Variants in HEATR5B observed in about 807,000 individuals in gnomAD.
HEATR5B encodes the protein HEAT repeat containing 5B, also known as HEAT repeat-containing protein 5B.
In HEATR5B, 156 loss-of-function variants were observed where a neutral mutation model predicts 224.1. The ratio of observed to expected loss-of-function variants is 0.70; its 90% CI spans 0.61 to 0.80. HEATR5B has a LOEUF of 0.80. HEATR5B is among the 30% of genes least tolerant of loss of function. The pLI is 0.00. For missense variants in HEATR5B, 2,323 were observed against 2,535.5 expected (o/e 0.92, Z 1.80); for synonymous variants, 1,027 against 893.0 (o/e 1.15, Z -2.68).
intron 35 of HEATR5B, among the ~76,000 whole-genome samples, chr2:36,985,618 T>A (rs1254111109): frequency 7.8e-6 from 1 of 128,850 alleles, no homozygotes; most frequent in Non-Finnish European, 1.6e-5. Context: ...CCACCACTCC[T>A]GGCTTTTTTT....
chr2:37,075,456 G>A lies in HEATR5B; in HGVS notation c.597+29C>T, dbSNP rs753085255. The A allele has an allele frequency of 5.8e-6, 9 of 1,561,658 alleles. No homozygotes were observed. The African/African-American group carries it at 9.6e-5, about 17-fold the overall frequency. Reference sequence around the variant, plus strand: ...TGTTTAAGAGCAAGAAGGATAAAGAGCAGTATTCTAAATTGGTCGAGTACT... The same window carrying A: ...TGTTTAAGAGCAAGAAGGATAAAGAACAGTATTCTAAATTGGTCGAGTACT... On this transcript the variant is annotated intron_variant, in intron 5 of 35. Transcript: ENST00000233099.
intron 11 of HEATR5B, among the ~76,000 whole-genome samples, chr2:37,061,365 T>C (rs921372532): frequency 2.0e-5 from 3 of 152,226 alleles, no homozygotes; most frequent in East Asian, 1.9e-4. Context: ...TTCCAACAGA[T>C]AGATGCTTAG....
intron 10 of HEATR5B, 119 bp from the exon 11 acceptor site, chr2:37,062,169 G>A (rs1216207415): frequency 6.6e-6 from 4 of 609,568 alleles, no homozygotes; most frequent in Non-Finnish European, 1.2e-5. Context: ...GCTCATGCCT[G>A]TAATCCTAGC....
intron 16 of HEATR5B, among the ~76,000 whole-genome samples, chr2:37,055,562 T>C (rs1670854696): frequency 6.6e-6 from 1 of 152,248 alleles, no homozygotes; most frequent in South Asian, 2.1e-4. Context: ...AAGTTTCATA[T>C]TTAAACTTTT....
intron 21 of HEATR5B, among the ~76,000 whole-genome samples, chr2:37,034,336 G>A (rs1343033223): frequency 6.3e-5 from 9 of 143,926 alleles, no homozygotes; most frequent in African/African-American, 2.0e-4. Flanking sequence ...ATCGCCGGCC[G>A]GGCGCGGTGG....
intron 29 of HEATR5B, 79 bp downstream of exon 29, chr2:37,006,971 A>T: frequency 7.0e-7 from 1 of 1,435,814 alleles, no homozygotes; most frequent in South Asian, 1.2e-5. Flanking sequence ...ACTGTACAAA[A>T]TCTTTCCATA....
intron 21 of HEATR5B, among the ~76,000 whole-genome samples, chr2:37,035,157 T>C (rs1229997523): frequency 1.3e-5 from 2 of 152,212 alleles, no homozygotes; most frequent in Non-Finnish European, 2.9e-5. Context: ...AAATGGTGAC[T>C]GGCAAAGCCT....
intron 27 of HEATR5B, among the ~76,000 whole-genome samples, chr2:37,010,903 T>C (rs1399133604): frequency 6.7e-6 from 1 of 149,700 alleles, no homozygotes; most frequent in Non-Finnish European, 1.5e-5. Flanking sequence ...GTTCTAGGAC[T>C]GGAAGCAAAA....
intron 3 of HEATR5B, among the ~76,000 whole-genome samples, chr2:37,077,608 C>T (rs1006909978): frequency 1.3e-4 from 20 of 152,348 alleles, no homozygotes; most frequent in African/African-American, 4.3e-4. Flanking sequence ...GCGCCCGGCC[C>T]CTAAGCTTTG....
chr2:37,078,455 A>T (rs991181151), intron 3 of HEATR5B, among the ~76,000 whole-genome samples: 2 of 152,222 alleles, frequency 1.3e-5, no homozygotes, highest in African/African-American at 4.8e-5. Context: ...GAACTATAAA[A>T]TTATGTGTGT....
chr2:37,014,622 A>G (rs895665365), intron 26 of HEATR5B, among the ~76,000 whole-genome samples: 1 of 151,836 alleles, frequency 6.6e-6, no homozygotes, highest in Non-Finnish European at 1.5e-5. Flanking sequence ...TAATTCTTCA[A>G]CAAAATTTCT....
chr2:37,050,996 A>G (rs1184783824), intron 17 of HEATR5B, among the ~76,000 whole-genome samples: 2 of 152,194 alleles, frequency 1.3e-5, no homozygotes. Context: ...CAGTGAGCCA[A>G]CATCACACCA....
At chr2:37,034,242 C>T (rs911329270) in intron 21 of HEATR5B, among the ~76,000 whole-genome samples, 1 of 150,630 alleles carries the variant, frequency 6.6e-6, no homozygotes, top group Non-Finnish European at 1.5e-5. Flanking sequence ...TCCTGACCTT[C>T]TGATCCGCCC....
At chr2:37,065,318 A>C (rs1236733874) in intron 9 of HEATR5B, among the ~76,000 whole-genome samples, 5 of 151,770 alleles carry the variant, frequency 3.3e-5, no homozygotes, top group Non-Finnish European at 7.4e-5. Context: ...ATTCTTTACA[A>C]GGAAACTTTT....
intron 28 of HEATR5B, 199 bp downstream of exon 28, chr2:37,008,412 C>T: frequency 5.1e-6 from 3 of 592,996 alleles, no homozygotes; most frequent in East Asian, 5.6e-5. Flanking sequence ...ATGTTTGCTT[C>T]AGCCAACAAA....
In HEATR5B at chr2:37,068,715, G is replaced by A. The variant is rs1671729060; in HGVS notation, c.1143C>T (p.Ile381=). The change falls in exon 8 of 36, where the codon ATC becomes ATT. Residue 381 remains isoleucine (I), a synonymous_variant. Transcript: ENST00000233099. ...TCATTTGTTTTCCAATAGCTTGGCAGATTTCTTTGGCAGCTGCAATCTGGG... is the reference window on the plus strand; with the variant it reads ...TCATTTGTTTTCCAATAGCTTGGCAAATTTCTTTGGCAGCTGCAATCTGGG... ...EKAQIAAAKE[I]CQAIGKQMKA... is the part of the protein sequence containing the mutation. The A allele has an allele frequency of 6.2e-7, 1 of 1,614,040 alleles. No individual in the cohort carries two copies. The highest frequency in any genetic ancestry group is 1.3e-5 in the African/African-American group (1 of 74,928).
chr2:37,076,811 T>C, intron 4 of HEATR5B, 100 bp downstream of exon 4: 1 of 834,638 alleles, frequency 1.2e-6, no homozygotes, highest in Non-Finnish European at 2.0e-6. Flanking sequence ...TGCTAAGCAA[T>C]ATGAGACCAC....
chr2:37,036,566 C>T (rs940048189), intron 21 of HEATR5B, among the ~76,000 whole-genome samples: 2 of 151,470 alleles, frequency 1.3e-5, no homozygotes, highest in African/African-American at 4.9e-5. Flanking sequence ...GGTTGGAGTG[C>T]AATGGCGCAA....
chr2:37,032,881 TTTG>T, intron 21 of HEATR5B, 108 bp from the exon 22 acceptor site: 3 of 987,328 alleles, frequency 3.0e-6, no homozygotes, highest in Non-Finnish European at 4.2e-6. Context: ...TATGTTTTGT[TTTG>T]TTTTTTTTTT....
Sources: allele counts gnomAD v4.1 joint callset (sites outside exome capture counted in the v4.1 genomes callset), GRCh38; gene constraint gnomAD v4.1.1; transcripts MANE v1.5; gene names NCBI Gene and HGNC (gene_info 2026-07-23, HGNC 2026-07-21).